The following TRMT10A variants were observed in gnomAD, a reference collection of about 807,000 sequenced individuals.
The protein encoded by TRMT10A is tRNA methyltransferase 10 homolog A.
A neutral mutation model predicts 40.4 loss-of-function variants in TRMT10A; 37 were observed. That is an observed-to-expected ratio of 0.92 (90% CI 0.71 to 1.21). TRMT10A has a LOEUF of 1.21. Among genes scored for constraint, TRMT10A ranks in the 50% most tolerant of loss-of-function variants. The pLI is 0.00. For synonymous variants in TRMT10A, 103 were observed against 134.1 expected, an observed-to-expected ratio of 0.77 and a Z score of 1.60; for missense variants, 388 against 404.3, an observed-to-expected ratio of 0.96 and a Z score of 0.35.
intron 1 of TRMT10A, 97 bp downstream of exon 1, chr4:99,563,816 G>A (rs1724569808): frequency 1.6e-6 from 1 of 629,238 alleles, no homozygotes; most frequent in African/African-American, 1.8e-5. Flanking sequence ...TCCCCCGGAA[G>A]CCCTTGTTGC....
At chr4:99,561,836 C>A (rs1724410429) in intron 1 of TRMT10A, among the ~76,000 whole-genome samples, 2 of 152,116 alleles carry the variant, frequency 1.3e-5, no homozygotes, top group African/African-American at 4.8e-5. Context: ...TTCATTCATT[C>A]AACCAAGTTC....
Position 99,559,181 on chromosome 4 carries a change from T to C in TRMT10A, c.158A>G (p.Gln53Arg), listed in dbSNP as rs754874725. ...GCGGAGTTCCCGTTGCTCTTCCCAT[T>C]GTTTCTGTTTTATTAGTTTTTTCAT... is the stretch of plus-strand genomic sequence containing the variant. ...RQMKKLIKQK[Q>R]WEEQRELRKQ... The change falls in exon 2 of 8, where the codon CAA becomes CGA. Residue 53 changes from glutamine (Q) to arginine (R), a missense_variant. Gln to Arg is a conservative substitution (Grantham distance 43). Coordinates refer to ENST00000394876, the MANE Select transcript of TRMT10A (RefSeq NM_001134665.3). 3.1e-6 allele frequency: 5 copies of C among 1,612,712 alleles called. No homozygotes were observed. Among genetic ancestry groups the C allele is most frequent in the Middle Eastern group, 1.6e-4 (1 of 6,080 alleles).
chr4:99,548,510 AAAG>A lies in TRMT10A; in HGVS notation c.*575_*577del, dbSNP rs1723826824. ...CTTCAGAACCATAAAAAGGCATCAT[AAAG>A]AAGGAACAGATATGCGCTCCATAGT... On this transcript the variant is annotated 3_prime_UTR_variant, in exon 8 of 8. Coordinates refer to ENST00000394876, the MANE Select transcript of TRMT10A (RefSeq NM_001134665.3). 1 of 152,198 alleles carries A rather than the reference AAAG, an allele frequency of 6.6e-6. No individual in the cohort carries two copies. The allele number at this position is 152,198 out of a possible 1,614,324, so 9.4% of individuals were successfully genotyped here.
chr4:99,560,633 A>G (rs539708778), intron 1 of TRMT10A, among the ~76,000 whole-genome samples: 1 of 152,254 alleles, frequency 6.6e-6, no homozygotes, highest in South Asian at 2.1e-4. Flanking sequence ...AAGAAACTGG[A>G]GGTGGGGAAA....
intron 7 of TRMT10A, among the ~76,000 whole-genome samples, chr4:99,549,762 TTTTTTCTTTTG>T (rs1355723780): frequency 2.0e-5 from 3 of 152,200 alleles, no homozygotes; most frequent in Admixed American, 1.3e-4. Context: ...TTGACTGCTT[TTTTTTCTTTTG>T]TTTTTCTTTT....
At chr4:99,553,739 T>C in intron 6 of TRMT10A, 46 bp downstream of exon 6, 1 of 1,554,186 alleles carries the variant, frequency 6.4e-7, no homozygotes, top group Non-Finnish European at 8.7e-7. Flanking sequence ...TGGTGATATA[T>C]CAATTTTAAG....
intron 1 of TRMT10A, among the ~76,000 whole-genome samples, chr4:99,561,590 C>T (rs1284987624): frequency 6.6e-6 from 1 of 152,062 alleles, no homozygotes; most frequent in African/African-American, 2.4e-5. Flanking sequence ...TAAATTATTC[C>T]GTATAGTATA....
chr4:99,547,707 G>A lies in TRMT10A; in HGVS notation c.*1381C>T, dbSNP rs978118622. ...ACTATAATAGATTACTAAGAACAAA[G>A]TAACAAAAATAGACAGTAAATATCA... On this transcript the variant is annotated 3_prime_UTR_variant, in exon 8 of 8. Coordinates refer to ENST00000394876, the MANE Select transcript of TRMT10A (RefSeq NM_001134665.3). The A allele has an allele frequency of 5.3e-5, 8 of 151,998 alleles. No homozygotes were observed. The highest frequency in any genetic ancestry group is 1.0e-4 in the Non-Finnish European group (7 of 67,934). The allele number at this position is 151,998 out of a possible 1,614,324, so 9.4% of individuals were successfully genotyped here.
intron 5 of TRMT10A, among the ~76,000 whole-genome samples, chr4:99,554,304 T>A (rs1472596423): frequency 6.6e-6 from 1 of 152,208 alleles, no homozygotes; most frequent in Admixed American, 6.5e-5. Flanking sequence ...GTAATCTACT[T>A]TTCCAACTTT....
At chr4:99,549,491 T>G in intron 7 of TRMT10A, 135 bp from the exon 8 acceptor site, 1 of 1,204,750 alleles carries the variant, frequency 8.3e-7, no homozygotes, top group Non-Finnish European at 1.1e-6. Flanking sequence ...AGCTCTTCTT[T>G]CTATTGTCTG....
intron 1 of TRMT10A, chr4:99,563,648 C>T (rs1244180807): frequency 6.1e-5 from 20 of 330,090 alleles, no homozygotes; most frequent in Non-Finnish European, 7.2e-5. Context: ...ACTATCCCTT[C>T]TAGGCTCCCA....
chr4:99,552,701 G>C (rs1460682426), intron 6 of TRMT10A, among the ~76,000 whole-genome samples: 1 of 152,068 alleles, frequency 6.6e-6, no homozygotes, highest in Non-Finnish European at 1.5e-5. Context: ...AACTTGAATT[G>C]AGAAATTTTA....
chr4:99,561,574 A>G (rs1724397885), intron 1 of TRMT10A, among the ~76,000 whole-genome samples: 1 of 152,242 alleles, frequency 6.6e-6, no homozygotes, highest in Admixed American at 6.5e-5. Context: ...CTAACCTGAT[A>G]TCTTATAAAT....
intron 1 of TRMT10A, among the ~76,000 whole-genome samples, chr4:99,561,878 C>G (rs1340410130): frequency 1.3e-5 from 2 of 152,108 alleles, no homozygotes. Context: ...TTTACAGTAA[C>G]TATAAAAATA....
intron 1 of TRMT10A, among the ~76,000 whole-genome samples, chr4:99,561,576 C>T (rs539013950): frequency 1.3e-5 from 2 of 152,296 alleles, no homozygotes; most frequent in African/African-American, 2.4e-5. Context: ...AACCTGATAT[C>T]TTATAAATTA....
At chr4:99,561,270 G>A (rs997207290) in intron 1 of TRMT10A, among the ~76,000 whole-genome samples, 1 of 152,034 alleles carries the variant, frequency 6.6e-6, no homozygotes, top group Non-Finnish European at 1.5e-5. Context: ...CGGCCTACGT[G>A]AAGACTTTTT....
chr4:99,558,110 A>T lies in TRMT10A; in HGVS notation c.287T>A (p.Val96Asp). ...AATAAGGCGAAGGGTGCTATGAACAACATCTCTTCGAACACGTTTTCTGTC... is the reference window on the plus strand; with the variant it reads ...AATAAGGCGAAGGGTGCTATGAACATCATCTCTTCGAACACGTTTTCTGTC... ...GHDRKRVRRDVVHSTLRLIID... is the reference protein window; with the variant it reads ...GHDRKRVRRDDVHSTLRLIID... The change falls in exon 3 of 8, where the codon GTT (valine) becomes GAT (aspartate). Residue 96 changes from valine (V) to aspartate (D), a missense_variant. Coordinates refer to ENST00000394876, the MANE Select transcript of TRMT10A (RefSeq NM_001134665.3). 2 of 1,612,968 alleles carry T rather than the reference A, an allele frequency of 1.2e-6. No homozygotes were observed. Among genetic ancestry groups the T allele is most frequent in the Non-Finnish European group, 1.7e-6 (2 of 1,179,510 alleles).
At chr4:99,560,001 T>C (rs1211924741) in intron 1 of TRMT10A, among the ~76,000 whole-genome samples, 1 of 152,072 alleles carries the variant, frequency 6.6e-6, no homozygotes, top group African/African-American at 2.4e-5. Context: ...TCTAAAGTTA[T>C]ATAATGAAAA....
intron 1 of TRMT10A, among the ~76,000 whole-genome samples, chr4:99,561,309 T>G (rs533689058): frequency 6.6e-6 from 1 of 152,232 alleles, no homozygotes; most frequent in African/African-American, 2.4e-5. Context: ...TTACAGGTCA[T>G]GTACACCAGG....
Sources: allele counts gnomAD v4.1 joint callset (sites outside exome capture counted in the v4.1 genomes callset), GRCh38; gene constraint gnomAD v4.1.1; transcripts MANE v1.5; gene names NCBI Gene and HGNC (gene_info 2026-07-23, HGNC 2026-07-21).